CCDC7: variants seen among roughly 807,000 people sequenced by gnomAD.
CCDC7 encodes the protein coiled-coil domain containing 7.
Under a neutral mutation model 196.9 loss-of-function variants are expected in CCDC7, and 183 were observed. The ratio of observed to expected loss-of-function variants is 0.93; its 90% CI spans 0.82 to 1.05. CCDC7 has a LOEUF of 1.05. Among genes scored for constraint, CCDC7 ranks in the 50% least tolerant of loss-of-function variants. The pLI is 0.00. For synonymous variants in CCDC7, 525 were observed against 484.6 expected (o/e 1.08, Z -1.10); for missense variants, 1,540 against 1,482.2 (o/e 1.04, Z -0.64).
At chr10:32,738,976 C>T (rs1310219406) in intron 28 of CCDC7, among the ~76,000 whole-genome samples, 1 of 151,988 alleles carries the variant, frequency 6.6e-6, no homozygotes, top group African/African-American at 2.4e-5. Flanking sequence ...TGTCTGGATA[C>T]AGGTTCTAGT....
chr10:32,740,805 A>G (rs2085701585), intron 28 of CCDC7, among the ~76,000 whole-genome samples: 1 of 152,016 alleles, frequency 6.6e-6, no homozygotes, highest in Non-Finnish European at 1.5e-5. Flanking sequence ...TTCCTATCTT[A>G]CTTATTTTTA....
rs145224620 is a variant in CCDC7, at chr10:32,473,981, C to A, written c.754C>A (p.His252Asn). The change falls in exon 8 of 42, where the codon CAC (histidine) becomes AAC (asparagine). Residue 252 changes from histidine (H) to asparagine (N), a missense_variant. His to Asn is a moderately conservative substitution (Grantham distance 68). Transcript: ENST00000639629. The stretch of plus-strand genomic sequence containing the variant: ...TTTTACTTCAGAATTCTTAGAAGCC[C>A]ACTCAACTGATGAATTTAAAGATGT... 125 of 1,610,592 alleles carry A rather than the reference C, an allele frequency of 7.8e-5. No homozygotes were observed. In the African/African-American group the frequency reaches 1.5e-3, roughly 20 times the overall value.
chr10:32,818,278 G>A (rs1033541648), intron 31 of CCDC7, among the ~76,000 whole-genome samples: 15 of 152,188 alleles, frequency 9.9e-5, no homozygotes, highest in Non-Finnish European at 2.1e-4. Flanking sequence ...AATTCAACAA[G>A]AAGAGCTAAC....
rs1489417993 is a variant in CCDC7 at position 32,456,114 on chromosome 10, G to A, written c.373-137G>A. The A allele has an allele frequency of 5.2e-6, 4 of 766,734 alleles. No individual in the cohort carries two copies. In the African/African-American group the frequency reaches 7.1e-5, roughly 14 times the overall value. The allele number at this position is 766,734 out of a possible 1,614,324, so 47.5% of individuals were successfully genotyped here. On this transcript the variant is annotated intron_variant, in intron 2 of 41. Transcript: ENST00000639629. Reference sequence around the variant, plus strand: ...TTGCTAGTATGGCATTTGAAGCATGGCTTCTTGCTGTAAATGTTTGAAGGG... The same window carrying A: ...TTGCTAGTATGGCATTTGAAGCATGACTTCTTGCTGTAAATGTTTGAAGGG...
chr10:32,796,192 A>G (rs1363805933), intron 29 of CCDC7, among the ~76,000 whole-genome samples: 2 of 151,676 alleles, frequency 1.3e-5, no homozygotes, highest in Non-Finnish European at 2.9e-5. Context: ...TGGTCCTAAA[A>G]ATTGTCTCAT....
intron 28 of CCDC7, among the ~76,000 whole-genome samples, chr10:32,738,751 G>A (rs748307693): frequency 2.6e-5 from 4 of 152,004 alleles, no homozygotes; most frequent in Non-Finnish European, 5.9e-5. Context: ...TGGGACTACA[G>A]GCAAGAGCCA....
intron 28 of CCDC7, among the ~76,000 whole-genome samples, chr10:32,744,851 T>G (rs971397256): frequency 6.6e-6 from 1 of 152,200 alleles, no homozygotes; most frequent in Non-Finnish European, 1.5e-5. Context: ...TTCTTCTTTG[T>G]TGTTGATTGT....
downstream of CCDC7, among the ~76,000 whole-genome samples, chr10:32,877,749 C>G (rs1030433790): frequency 6.6e-6 from 1 of 152,204 alleles, no homozygotes; most frequent in Middle Eastern, 3.4e-3. Context: ...CAGTACTTTT[C>G]AAGCCTAAAT....
chr10:32,848,445 C>A, intron 38 of CCDC7, 151 bp from the exon 40 acceptor site: 1 of 590,384 alleles, frequency 1.7e-6, no homozygotes. Context: ...AGAGACTACA[C>A]AGAAATTTAA....
At position 32,856,913 on chromosome 10, in the gene CCDC7, A is replaced by G. The variant is rs544909752; in HGVS notation, c.4111+2424A>G. ...TGGGAGAGCTGCATCACCCATACCT[A>G]AAAGAATAAACCTGGACCTACACCA... On this transcript the variant is annotated intron_variant, in intron 41 of 41. Transcript: ENST00000639629. 2.0e-4 allele frequency among the ~76,000 whole-genome samples: 30 copies of G among 151,616 alleles called. No individual in the cohort carries two copies. In the South Asian group the frequency reaches 6.1e-3, roughly 31 times the overall value.
At chr10:32,584,905 G>A (rs548094789) in intron 18 of CCDC7, among the ~76,000 whole-genome samples, 15 of 152,012 alleles carry the variant, frequency 9.9e-5, no homozygotes, top group Admixed American at 4.6e-4. Flanking sequence ...TATGACACCC[G>A]AAATTAATCT....
chr10:32,570,964 A>G (rs1016683938), intron 15 of CCDC7, among the ~76,000 whole-genome samples: 7 of 151,232 alleles, frequency 4.6e-5, no homozygotes, highest in African/African-American at 1.7e-4. Flanking sequence ...TATTCACAAG[A>G]GGTAATTTAT....
At chr10:32,556,817 T>C (rs1009281865) in intron 13 of CCDC7, among the ~76,000 whole-genome samples, 1 of 152,208 alleles carries the variant, frequency 6.6e-6, no homozygotes, top group South Asian at 2.1e-4. Flanking sequence ...AGGGTCTTAA[T>C]GTTTTCTTTC....
chr10:32,765,299 T>C (rs1017057549), intron 28 of CCDC7, among the ~76,000 whole-genome samples: 1 of 151,984 alleles, frequency 6.6e-6, no homozygotes, highest in Admixed American at 6.6e-5. Context: ...ACAGTGCCTC[T>C]GAACTGACAC....
At chr10:32,845,756 C>G in intron 35 of CCDC7, 120 bp from the exon 37 acceptor site, 1 of 1,051,358 alleles carries the variant, frequency 9.5e-7, no homozygotes, top group East Asian at 2.4e-5. Context: ...TTCATGAATA[C>G]CCTTCCATAA....
At chr10:32,526,826 C>G (rs778616354) in intron 11 of CCDC7, among the ~76,000 whole-genome samples, 3 of 152,148 alleles carry the variant, frequency 2.0e-5, no homozygotes, top group Non-Finnish European at 2.9e-5. Flanking sequence ...TCTCCTTAAG[C>G]AGGAGGGAGT....
At chr10:32,709,546 T>A (rs764552853) in intron 24 of CCDC7, among the ~76,000 whole-genome samples, 3 of 152,118 alleles carry the variant, frequency 2.0e-5, no homozygotes, top group Non-Finnish European at 4.4e-5. Flanking sequence ...ACAATAGGGT[T>A]TGTGTTCCTA....
At chr10:32,505,003 T>C (rs1274784169) in intron 9 of CCDC7, among the ~76,000 whole-genome samples, 1 of 152,144 alleles carries the variant, frequency 6.6e-6, no homozygotes, top group African/African-American at 2.4e-5. Flanking sequence ...AAATGAGGCA[T>C]TACTGTAAAT....
intron 21 of CCDC7, among the ~76,000 whole-genome samples, chr10:32,667,781 A>G (rs1006424207): frequency 4.6e-5 from 7 of 152,146 alleles, no homozygotes; most frequent in Non-Finnish European, 7.3e-5. Flanking sequence ...GCCTTGTAGT[A>G]TAGTTTGAAG....
Sources: allele counts gnomAD v4.1 joint callset (sites outside exome capture counted in the v4.1 genomes callset), GRCh38; gene constraint gnomAD v4.1.1; transcripts MANE v1.5; gene names NCBI Gene and HGNC (gene_info 2026-07-23, HGNC 2026-07-21).